Variants in GRM7 observed in about 807,000 individuals in gnomAD.
The protein encoded by GRM7 is metabotropic glutamate receptor 7.
In GRM7, 35 loss-of-function variants were observed where a neutral mutation model predicts 84.5. That is an observed-to-expected ratio of 0.41 (90% CI 0.32 to 0.55). GRM7 has a LOEUF of 0.55. Ranked by LOEUF, GRM7 falls within the 20% of genes least tolerant of loss-of-function variation. The probability of loss-of-function intolerance (pLI) is 0.19; values close to 1 mark genes in which losing one functional copy is unlikely to be tolerated. For missense variants in GRM7, 1,003 were observed against 1,194.6 expected (o/e 0.84, Z 2.36); for synonymous variants, 487 against 455.1 (o/e 1.07, Z -0.89).
At chr3:7,095,794 C>T (rs1244755420) in intron 1 of GRM7, among the ~76,000 whole-genome samples, 1 of 152,048 alleles carries the variant, frequency 6.6e-6, no homozygotes, top group Non-Finnish European at 1.5e-5. Flanking sequence ...TAAATTTCTT[C>T]ACCAACTCTT....
At chr3:7,501,317 A>C (rs1559365038) in intron 7 of GRM7, among the ~76,000 whole-genome samples, 1 of 152,184 alleles carries the variant, frequency 6.6e-6, no homozygotes, top group Admixed American at 6.5e-5. Context: ...GGATATTCTT[A>C]TTAAGATCAG....
intron 8 of GRM7, among the ~76,000 whole-genome samples, chr3:7,625,877 A>C (rs1697583617): frequency 6.6e-6 from 1 of 152,174 alleles, no homozygotes; most frequent in Non-Finnish European, 1.5e-5. Context: ...CATTTTGCTG[A>C]AGATATCAGC....
chr3:7,308,051 A>T (rs1171362446), intron 4 of GRM7, among the ~76,000 whole-genome samples: 5 of 152,180 alleles, frequency 3.3e-5, no homozygotes, highest in African/African-American at 4.8e-5. Context: ...GTTCCCTCAG[A>T]GATACAGGGA....
At chr3:7,639,982 C>G (rs1232029992) in intron 8 of GRM7, among the ~76,000 whole-genome samples, 1 of 152,110 alleles carries the variant, frequency 6.6e-6, no homozygotes, top group Non-Finnish European at 1.5e-5. Context: ...TATAATTATA[C>G]TCAATTTATT....
At chr3:7,576,436 T>C (rs2125050815) in intron 7 of GRM7, among the ~76,000 whole-genome samples, 1 of 152,352 alleles carries the variant, frequency 6.6e-6, no homozygotes, top group Admixed American at 6.5e-5. Flanking sequence ...TATGCTATTT[T>C]ACCAAGTTTA....
chr3:7,319,222 C>T (rs907931176), intron 4 of GRM7, among the ~76,000 whole-genome samples: 1 of 151,886 alleles, frequency 6.6e-6, no homozygotes, highest in Non-Finnish European at 1.5e-5. Context: ...GTGTGTACAC[C>T]AGTAGATAGA....
At chr3:7,624,352 G>A (rs1033317854) in intron 8 of GRM7, among the ~76,000 whole-genome samples, 3 of 152,098 alleles carry the variant, frequency 2.0e-5, no homozygotes, top group Non-Finnish European at 4.4e-5. Flanking sequence ...TTTGAAGTAG[G>A]ATTCTACAGA....
At chr3:6,873,583 T>G (rs1351845482) in intron 1 of GRM7, among the ~76,000 whole-genome samples, 1 of 152,214 alleles carries the variant, frequency 6.6e-6, no homozygotes, top group Non-Finnish European at 1.5e-5. Flanking sequence ...AATGAGGTTC[T>G]TCATGGCAAG....
chr3:7,007,064 T>C (rs1024769864), intron 1 of GRM7, among the ~76,000 whole-genome samples: 1 of 152,186 alleles, frequency 6.6e-6, no homozygotes, highest in Admixed American at 6.5e-5. Context: ...AATATATTGG[T>C]TCAAGGTATT....
intron 1 of GRM7, among the ~76,000 whole-genome samples, chr3:6,881,537 T>C (rs1388265664): frequency 6.6e-6 from 1 of 152,114 alleles, no homozygotes; most frequent in Non-Finnish European, 1.5e-5. Context: ...ATCCAGTCTA[T>C]TGTTGATGGG....
At chr3:7,422,005 G>C (rs570030838) in intron 5 of GRM7, among the ~76,000 whole-genome samples, 2 of 151,838 alleles carry the variant, frequency 1.3e-5, no homozygotes, top group Admixed American at 1.3e-4. Context: ...TGAGGTGGGA[G>C]GATCACTTGA....
chr3:7,621,515 G>A (rs62235218), intron 8 of GRM7, among the ~76,000 whole-genome samples: 19,855 of 152,124 alleles, frequency 0.13, 1,503 homozygotes, highest in Non-Finnish European at 0.17. Flanking sequence ...AGTCCTGTCA[G>A]CTGGGGGAGG....
chr3:6,926,415 C>A (rs1175555238), intron 1 of GRM7, among the ~76,000 whole-genome samples: 1 of 152,172 alleles, frequency 6.6e-6, no homozygotes, highest in Admixed American at 6.5e-5. Context: ...AGCATTATTA[C>A]CTGACAATAA....
chr3:7,417,670 T>A (rs755241722), intron 5 of GRM7, among the ~76,000 whole-genome samples: 3 of 152,094 alleles, frequency 2.0e-5, no homozygotes, highest in Non-Finnish European at 4.4e-5. Flanking sequence ...ATAGCCCCCT[T>A]CACAGAGCTC....
intron 2 of GRM7, among the ~76,000 whole-genome samples, chr3:7,233,318 T>A (rs1427838538): frequency 6.6e-6 from 1 of 152,184 alleles, no homozygotes; most frequent in Non-Finnish European, 1.5e-5. Flanking sequence ...GGTAAGTTTC[T>A]CTAAATGGGC....
chr3:7,484,115 A>G (rs1397362895), intron 7 of GRM7, among the ~76,000 whole-genome samples: 1 of 152,250 alleles, frequency 6.6e-6, no homozygotes, highest in East Asian at 1.9e-4. Context: ...CTGAGAAAGC[A>G]TCTCCTAAAG....
intron 1 of GRM7, among the ~76,000 whole-genome samples, chr3:6,873,547 T>C (rs1695201646): frequency 6.6e-6 from 1 of 152,216 alleles, no homozygotes; most frequent in Non-Finnish European, 1.5e-5. Context: ...AATAGATCCG[T>C]CTGCATAGGC....
At chr3:7,615,476 T>C (rs1289494807) in intron 8 of GRM7, among the ~76,000 whole-genome samples, 2 of 152,236 alleles carry the variant, frequency 1.3e-5, no homozygotes, top group Non-Finnish European at 2.9e-5. Context: ...TTGCCGTTTC[T>C]TTTTAATCAC....
chr3:6,970,087 T>C (rs1443581245), intron 1 of GRM7, among the ~76,000 whole-genome samples: 1 of 152,200 alleles, frequency 6.6e-6, no homozygotes, highest in Non-Finnish European at 1.5e-5. Context: ...TCTTTTTTTG[T>C]AAAATTACAT....
Sources: gnomAD v4.1 joint callset for allele counts (sites outside exome capture counted in the v4.1 genomes callset) on GRCh38, gnomAD v4.1.1 for gene constraint, MANE v1.5 for transcripts, NCBI Gene and HGNC (gene_info 2026-07-23, HGNC 2026-07-21) for gene names.